Variants in NGEF observed in about 807,000 individuals in gnomAD.
NGEF encodes neuronal guanine nucleotide exchange factor.
NGEF carries 31 observed loss-of-function variants against 80.9 expected under a neutral mutation model. That is an observed-to-expected ratio of 0.38 (90% confidence interval 0.29 to 0.52). The LOEUF is 0.52. Among genes scored for constraint, NGEF ranks in the 20% least tolerant of loss-of-function variants. The pLI is 0.84. For synonymous variants in NGEF, 371 were observed against 370.2 expected (o/e 1.00, Z -0.03); for missense variants, 709 against 926.2 (o/e 0.77, Z 3.04).
intron 3 of NGEF, among the ~76,000 whole-genome samples, chr2:232,940,363 G>C (rs1693412725): frequency 1.3e-5 from 2 of 152,228 alleles, no homozygotes; most frequent in African/African-American, 4.8e-5. Flanking sequence ...AATTCACCAA[G>C]GGGTGGAAGC....
chr2:232,984,584 A>G (rs1694497437), intron 1 of NGEF, among the ~76,000 whole-genome samples: 1 of 152,256 alleles, frequency 6.6e-6, no homozygotes, highest in South Asian at 2.1e-4. Flanking sequence ...TCCGGCCAGC[A>G]AAAAAGGCCA....
chr2:232,930,520 A>G (rs1479333902), intron 3 of NGEF, among the ~76,000 whole-genome samples: 3 of 137,212 alleles, frequency 2.2e-5, no homozygotes, highest in African/African-American at 8.5e-5. Flanking sequence ...GGGTTTCACC[A>G]TATCATAGAG....
At chr2:232,890,238 C>T (rs1198686109) in intron 8 of NGEF, among the ~76,000 whole-genome samples, 2 of 151,850 alleles carry the variant, frequency 1.3e-5, no homozygotes. Context: ...GGTCTCTGTC[C>T]TGCCTCACTG....
chr2:232,978,820 T>G (rs1694349507), intron 1 of NGEF, among the ~76,000 whole-genome samples: 2 of 152,300 alleles, frequency 1.3e-5, no homozygotes, highest in African/African-American at 4.8e-5. Flanking sequence ...AGCCTCGACC[T>G]CATGGGCTCA....
chr2:232,888,105 G>A lies in NGEF; in HGVS notation c.1275C>T (p.Asn425=). ...RITRLKLLVQ[N]ILKRVEERSE... is the part of the protein sequence containing the mutation. ...ACCTCTCTTCTACCCTCTTCAGGATGTTCTATGCACAGAGAAAGGCTGCGT... is the reference window on the plus strand; with the variant it reads ...ACCTCTCTTCTACCCTCTTCAGGATATTCTATGCACAGAGAAAGGCTGCGT... The change falls in exon 9 of 15, where the codon AAC becomes AAT. Residue 425 remains asparagine (N), a splice_region_variant and synonymous_variant. Coordinates refer to ENST00000264051, the MANE Select transcript of NGEF (RefSeq NM_019850.3). 6.3e-7 allele frequency: 1 copy of A among 1,598,078 alleles called. No homozygotes were observed. Among genetic ancestry groups the A allele is most frequent in the Non-Finnish European group, 8.5e-7 (1 of 1,174,696 alleles).
intron 5 of NGEF, among the ~76,000 whole-genome samples, chr2:232,898,148 T>C (rs560648238): frequency 6.6e-6 from 1 of 152,378 alleles, no homozygotes; most frequent in African/African-American, 2.4e-5. Context: ...TAAGAAAATG[T>C]GAAGCAGTTA....
At chr2:232,984,148 C>A (rs1694490438) in intron 1 of NGEF, among the ~76,000 whole-genome samples, 1 of 152,190 alleles carries the variant, frequency 6.6e-6, no homozygotes, top group Admixed American at 6.5e-5. Flanking sequence ...GCAGTAGCTC[C>A]ATCATTGCTC....
intron 3 of NGEF, among the ~76,000 whole-genome samples, chr2:232,927,689 T>C (rs982417543): frequency 2.0e-5 from 3 of 151,240 alleles, no homozygotes; most frequent in East Asian, 4.0e-4. Flanking sequence ...GGGACCGGGG[T>C]CCCAGGGGCC....
chr2:232,970,529 A>G (rs546618328), intron 2 of NGEF, among the ~76,000 whole-genome samples: 28 of 152,150 alleles, frequency 1.8e-4, no homozygotes, highest in Non-Finnish European at 3.1e-4. Flanking sequence ...TGCCATCCCT[A>G]TGAAAATTAT....
At chr2:232,882,128 G>T in intron 13 of NGEF, 58 bp downstream of exon 13, 1 of 1,507,240 alleles carries the variant, frequency 6.6e-7, no homozygotes, top group Non-Finnish European at 9.2e-7. Context: ...TGCACCTGCG[G>T]CATCCGGCAG....
intron 1 of NGEF, among the ~76,000 whole-genome samples, chr2:233,005,499 A>C (rs921025238): frequency 6.6e-6 from 1 of 152,244 alleles, no homozygotes; most frequent in Non-Finnish European, 1.5e-5. Context: ...TGTGGCAAAA[A>C]GTTCAGCATC....
At chr2:232,988,590 C>A (rs1033809054) in intron 1 of NGEF, among the ~76,000 whole-genome samples, 1 of 152,188 alleles carries the variant, frequency 6.6e-6, no homozygotes, top group Non-Finnish European at 1.5e-5. Context: ...ATAGCAAATA[C>A]GCTTTGACCC....
At chr2:232,916,859 GCA>G (rs1274543158) in intron 5 of NGEF, among the ~76,000 whole-genome samples, 2 of 152,160 alleles carry the variant, frequency 1.3e-5, no homozygotes, top group Non-Finnish European at 2.9e-5. Context: ...TCTCAGACGC[GCA>G]CAGAGATGTT....
chr2:232,984,196 T>C (rs1450392132), intron 1 of NGEF, among the ~76,000 whole-genome samples: 1 of 152,142 alleles, frequency 6.6e-6, no homozygotes, highest in Non-Finnish European at 1.5e-5. Flanking sequence ...GCAATCCTCC[T>C]TCCTCAGCCT....
intron 3 of NGEF, among the ~76,000 whole-genome samples, chr2:232,927,413 G>A (rs552634659): frequency 2.0e-5 from 3 of 152,214 alleles, no homozygotes; most frequent in African/African-American, 7.2e-5. Flanking sequence ...TTCCACACCA[G>A]CCCGCCCAAA....
Position 232,982,948 on chromosome 2 carries a change from C to T in NGEF, c.-74-7984G>A, listed in dbSNP as rs556867197. 3.3e-5 allele frequency among the ~76,000 whole-genome samples: 5 copies of T among 152,286 alleles called. No homozygotes were observed. In the South Asian group the frequency reaches 1.0e-3, roughly 32 times the overall value. On this transcript the variant is annotated intron_variant, in intron 1 of 14. Coordinates refer to ENST00000264051, the MANE Select transcript of NGEF (RefSeq NM_019850.3). ...CAAGGGAAGGAGCTGGGACAGTGGC[C>T]CCAGAAGACGCTCTGTGTCCGAGGA...
intron 10 of NGEF, chr2:232,884,945 A>AGAATCCCTCAAGGAGGATGTG: frequency 4.5e-6 from 1 of 222,914 alleles, no homozygotes; most frequent in Non-Finnish European, 8.8e-6. Context: ...GAATCCCTGG[A>AGAATCCCTCAAGGAGGATGTG]GCAGCACCCC....
At chr2:232,916,643 G>A (rs1382928102) in intron 5 of NGEF, among the ~76,000 whole-genome samples, 1 of 152,192 alleles carries the variant, frequency 6.6e-6, no homozygotes, top group Non-Finnish European at 1.5e-5. Context: ...AGAACGGGCA[G>A]GGTAAGACAA....
At chr2:232,887,388 G>A (rs1354357945) in intron 9 of NGEF, among the ~76,000 whole-genome samples, 1 of 148,714 alleles carries the variant, frequency 6.7e-6, no homozygotes, top group African/African-American at 2.6e-5. Context: ...GTCAGGAGAT[G>A]GTCTGGAGAG....
Sources: gnomAD v4.1 joint callset for allele counts (sites outside exome capture counted in the v4.1 genomes callset) on GRCh38, gnomAD v4.1.1 for gene constraint, MANE v1.5 for transcripts, NCBI Gene and HGNC (gene_info 2026-07-23, HGNC 2026-07-21) for gene names.